The following FAM168A variants were observed in gnomAD, a reference collection of about 807,000 sequenced individuals.
FAM168A encodes the protein protein FAM168A.
Under a neutral mutation model 28.5 loss-of-function variants are expected in FAM168A, and 3 were observed. That is an observed-to-expected ratio of 0.11 (90% CI 0.05 to 0.27). FAM168A has a LOEUF of 0.27. Ranked by LOEUF, FAM168A falls within the 10% of genes least tolerant of loss-of-function variation. FAM168A has a pLI of 1.00. For missense variants in FAM168A, 222 were observed against 311.5 expected (o/e 0.71, Z 2.16); for synonymous variants, 122 against 124.2 (o/e 0.98, Z 0.12).
At chr11:73,452,547 G>A (rs1867450418) in intron 2 of FAM168A, among the ~76,000 whole-genome samples, 1 of 152,158 alleles carries the variant, frequency 6.6e-6, no homozygotes, top group African/African-American at 2.4e-5. Flanking sequence ...GTGAGGGGGT[G>A]AGTGGGAGGC....
intron 3 of FAM168A, among the ~76,000 whole-genome samples, chr11:73,422,316 C>A (rs192338727): frequency 6.6e-6 from 1 of 152,130 alleles, no homozygotes; most frequent in Non-Finnish European, 1.5e-5. Context: ...AAATATTTTT[C>A]TTTATTTTCT....
intron 1 of FAM168A, among the ~76,000 whole-genome samples, chr11:73,578,100 T>C (rs931720352): frequency 6.6e-5 from 10 of 152,232 alleles, no homozygotes; most frequent in African/African-American, 2.4e-4. Context: ...AGAGACATTA[T>C]GCTAGGCTCT....
intron 1 of FAM168A, among the ~76,000 whole-genome samples, chr11:73,526,270 G>A (rs183061706): frequency 6.6e-6 from 1 of 152,252 alleles, no homozygotes; most frequent in Admixed American, 6.5e-5. Flanking sequence ...CTAGTAACTA[G>A]GGAGATAAAA....
chr11:73,433,840 C>CT (rs34260175), intron 2 of FAM168A, among the ~76,000 whole-genome samples: 3,621 of 83,134 alleles, frequency 0.044, 25 homozygotes, highest in East Asian at 0.062. Flanking sequence ...AGGGTAGGCC[C>CT]TTTTTTTTTT....
chr11:73,480,556 T>C (rs1284093828), intron 1 of FAM168A, among the ~76,000 whole-genome samples: 2 of 152,168 alleles, frequency 1.3e-5, no homozygotes, highest in African/African-American at 4.8e-5. Context: ...TTGACTGTAA[T>C]ACAAGGTGCT....
intron 1 of FAM168A, among the ~76,000 whole-genome samples, chr11:73,590,011 C>G (rs1218826332): frequency 6.6e-6 from 1 of 152,168 alleles, no homozygotes; most frequent in Non-Finnish European, 1.5e-5. Flanking sequence ...AGACTGAATA[C>G]TGAGGCAGAT....
chr11:73,550,835 A>G (rs1943819114), intron 1 of FAM168A, among the ~76,000 whole-genome samples: 2 of 151,572 alleles, frequency 1.3e-5, no homozygotes, highest in Non-Finnish European at 3.0e-5. Flanking sequence ...TTGGCCAGGC[A>G]TGATGGCTCA....
At chr11:73,511,028 G>A (rs1855213233) in intron 1 of FAM168A, among the ~76,000 whole-genome samples, 1 of 152,060 alleles carries the variant, frequency 6.6e-6, no homozygotes, top group African/African-American at 2.4e-5. Flanking sequence ...CAGGTCCCAA[G>A]GTCCCTTCCC....
intron 2 of FAM168A, among the ~76,000 whole-genome samples, chr11:73,465,751 A>G (rs1032090773): frequency 3.9e-5 from 6 of 152,226 alleles, no homozygotes; most frequent in Non-Finnish European, 7.3e-5. Flanking sequence ...TTTTGGAGGG[A>G]CACAAACATT....
chr11:73,434,746 T>C (rs1867059490), intron 2 of FAM168A, among the ~76,000 whole-genome samples: 1 of 152,214 alleles, frequency 6.6e-6, no homozygotes. Context: ...ATAACATGCT[T>C]TGACTTATGT....
intron 1 of FAM168A, among the ~76,000 whole-genome samples, chr11:73,528,486 G>A (rs948049804): frequency 6.6e-6 from 1 of 152,158 alleles, no homozygotes; most frequent in Non-Finnish European, 1.5e-5. Context: ...CCTTGTAGCA[G>A]AACACATCTC....
chr11:73,557,756 A>G (rs908347875), intron 1 of FAM168A, among the ~76,000 whole-genome samples: 2 of 152,220 alleles, frequency 1.3e-5, no homozygotes, highest in African/African-American at 4.8e-5. Context: ...ACACTTTCCA[A>G]TTTCAAAATT....
chr11:73,521,692 G>T (rs12286967), intron 1 of FAM168A, among the ~76,000 whole-genome samples: 4,519 of 152,172 alleles, frequency 0.03, 224 homozygotes, highest in African/African-American at 0.1. Context: ...TGCTTTAATG[G>T]TAATAACAAC....
At chr11:73,482,181 CTTTTTTTTT>C (rs55882143) in intron 1 of FAM168A, among the ~76,000 whole-genome samples, 3 of 77,558 alleles carry the variant, frequency 3.9e-5, no homozygotes, top group African/African-American at 9.3e-5. Context: ...ATCCAACAGC[CTTTTTTTTT>C]TTTTTTTTTT....
chr11:73,490,255 T>C (rs1371345376), intron 1 of FAM168A, among the ~76,000 whole-genome samples: 2 of 152,202 alleles, frequency 1.3e-5, no homozygotes, highest in African/African-American at 4.8e-5. Flanking sequence ...TCTACCATCT[T>C]AATCTAAATC....
intron 1 of FAM168A, among the ~76,000 whole-genome samples, chr11:73,576,056 T>G (rs188521612): frequency 1.3e-5 from 2 of 152,342 alleles, no homozygotes; most frequent in Admixed American, 1.3e-4. Context: ...AATATTCAGA[T>G]GAATTAAATT....
intron 4 of FAM168A, among the ~76,000 whole-genome samples, chr11:73,416,138 G>A (rs567591839): frequency 2.0e-5 from 3 of 152,284 alleles, no homozygotes; most frequent in South Asian, 2.1e-4. Context: ...TAGATCACTC[G>A]AAGTCCCAGC....
At chr11:73,418,863 C>T (rs1045809604) in intron 4 of FAM168A, among the ~76,000 whole-genome samples, 2 of 149,070 alleles carry the variant, frequency 1.3e-5, no homozygotes, top group Non-Finnish European at 3.0e-5. Context: ...GGCTGGAGTG[C>T]AGTGGCGTGA....
intron 1 of FAM168A, among the ~76,000 whole-genome samples, chr11:73,503,673 G>A (rs1274947797): frequency 2.0e-5 from 3 of 152,136 alleles, no homozygotes; most frequent in African/African-American, 7.2e-5. Context: ...TGGAATCAAA[G>A]AAGACCCTGG....
Sources: allele counts gnomAD v4.1 joint callset (sites outside exome capture counted in the v4.1 genomes callset), GRCh38; gene constraint gnomAD v4.1.1; transcripts MANE v1.5; gene names NCBI Gene and HGNC (gene_info 2026-07-23, HGNC 2026-07-21).